RBFOX1: variants seen among roughly 807,000 people sequenced by gnomAD.
RBFOX1 encodes the protein RNA binding protein fox-1 homolog 1.
A neutral mutation model predicts 57.7 loss-of-function variants in RBFOX1; 8 were observed. That is an observed-to-expected ratio of 0.14 (90% CI 0.08 to 0.25). RBFOX1 has a LOEUF of 0.25. RBFOX1 is among the 10% of genes least tolerant of loss of function. RBFOX1 has a pLI of 1.00. For synonymous variants in RBFOX1, 326 were observed against 222.4 expected (o/e 1.47, Z -4.15); for missense variants, 611 against 548.5 (o/e 1.11, Z -1.14).
At chr16:5,944,566 T>C (rs2059352829) in intron 4 of RBFOX1, among the ~76,000 whole-genome samples, 1 of 151,470 alleles carries the variant, frequency 6.6e-6, no homozygotes, top group African/African-American at 2.4e-5. Context: ...GCTGTGTGAG[T>C]CATGCCTCAG....
chr16:6,915,485 A>G (rs2153442464), intron 3 of RBFOX1, among the ~76,000 whole-genome samples: 1 of 151,684 alleles, frequency 6.6e-6, no homozygotes, highest in East Asian at 1.9e-4. Context: ...ATGACTTCCT[A>G]CTATAGCCTA....
chr16:6,516,462 G>C (rs564875952), intron 2 of RBFOX1, among the ~76,000 whole-genome samples: 1 of 152,230 alleles, frequency 6.6e-6, no homozygotes, highest in South Asian at 2.1e-4. Context: ...AACAGCCCCT[G>C]TTGTTAAGAT....
At chr16:6,216,626 T>C (rs549491689) in intron 1 of RBFOX1, among the ~76,000 whole-genome samples, 8 of 152,304 alleles carry the variant, frequency 5.3e-5, no homozygotes, top group African/African-American at 1.9e-4. Context: ...AATCCTGAAA[T>C]GCTGTAACTT....
intron 14 of RBFOX1, among the ~76,000 whole-genome samples, chr16:7,696,935 C>G (rs1219237352): frequency 1.3e-5 from 2 of 152,094 alleles, no homozygotes; most frequent in African/African-American, 4.8e-5. Context: ...GTAAGACATC[C>G]AGTGTGGCCC....
chr16:5,535,042 C>T (rs978985947), intron 2 of RBFOX1, among the ~76,000 whole-genome samples: 6 of 152,202 alleles, frequency 3.9e-5, no homozygotes, highest in African/African-American at 1.4e-4. Context: ...TAACTATCCT[C>T]ATGGGGCTTA....
At chr16:6,416,797 G>GT (rs1303543389) in intron 2 of RBFOX1, among the ~76,000 whole-genome samples, 4 of 152,148 alleles carry the variant, frequency 2.6e-5, no homozygotes, top group African/African-American at 9.7e-5. Context: ...CATCAAACAG[G>GT]TTGCAGTGCT....
chr16:6,235,803 C>G (rs149465601), intron 1 of RBFOX1, among the ~76,000 whole-genome samples: 211 of 152,034 alleles, frequency 1.4e-3, no homozygotes, highest in African/African-American at 4.9e-3. Context: ...GGGAGCTAAG[C>G]TACGAGGATG....
At chr16:5,465,603 C>T (rs1238785595) in intron 1 of RBFOX1, among the ~76,000 whole-genome samples, 1 of 152,196 alleles carries the variant, frequency 6.6e-6, no homozygotes, top group Non-Finnish European at 1.5e-5. Flanking sequence ...CAGGACTCCT[C>T]TTCATGCAGC....
At chr16:7,116,767 T>G (rs2151709316) in intron 4 of RBFOX1, among the ~76,000 whole-genome samples, 1 of 152,274 alleles carries the variant, frequency 6.6e-6, no homozygotes, top group Middle Eastern at 3.4e-3. Context: ...TGACAGGTAT[T>G]GACCACCTCC....
intron 4 of RBFOX1, among the ~76,000 whole-genome samples, chr16:5,917,808 C>T (rs1267526362): frequency 6.6e-6 from 1 of 152,138 alleles, no homozygotes; most frequent in Admixed American, 6.5e-5. Context: ...AAATTCATAC[C>T]GGGTTGTGAC....
At chr16:5,415,525 C>G (rs1470204817) in intron 1 of RBFOX1, among the ~76,000 whole-genome samples, 1 of 152,186 alleles carries the variant, frequency 6.6e-6, no homozygotes, top group Non-Finnish European at 1.5e-5. Context: ...AACTCCAGGA[C>G]CTGCTCTCCT....
At chr16:5,538,778 C>A (rs1289959859) in intron 2 of RBFOX1, among the ~76,000 whole-genome samples, 1 of 152,068 alleles carries the variant, frequency 6.6e-6, no homozygotes. Flanking sequence ...AGGCACGCAC[C>A]ACCATGCCCA....
chr16:6,473,129 G>A (rs1012093707), intron 2 of RBFOX1, among the ~76,000 whole-genome samples: 3 of 152,050 alleles, frequency 2.0e-5, no homozygotes, highest in Admixed American at 6.6e-5. Flanking sequence ...GCAACACATG[G>A]AAATAAAATT....
intron 4 of RBFOX1, among the ~76,000 whole-genome samples, chr16:7,055,544 A>C (rs1208980779): frequency 6.6e-6 from 1 of 152,182 alleles, no homozygotes; most frequent in Non-Finnish European, 1.5e-5. Flanking sequence ...GAAGGAGAAG[A>C]GGAGTTTCTC....
chr16:7,591,362 G>A (rs2094435826), intron 7 of RBFOX1, among the ~76,000 whole-genome samples: 1 of 152,076 alleles, frequency 6.6e-6, no homozygotes, highest in African/African-American at 2.4e-5. Context: ...TGAAAAATCA[G>A]TACCTTCATC....
chr16:6,029,951 T>C (rs2095265102), intron 1 of RBFOX1, among the ~76,000 whole-genome samples: 1 of 152,176 alleles, frequency 6.6e-6, no homozygotes, highest in Non-Finnish European at 1.5e-5. Flanking sequence ...GTCTCATTTG[T>C]TGCCCAGGCT....
At chr16:5,919,196 G>A (rs56753380) in intron 4 of RBFOX1, among the ~76,000 whole-genome samples, 8,711 of 152,222 alleles carry the variant, frequency 0.057, 290 homozygotes, top group Middle Eastern at 0.089. Context: ...TGAAGGTCAG[G>A]CTGACCATAT....
At chr16:5,244,155 C>T (rs2062237328) in intron 1 of RBFOX1, among the ~76,000 whole-genome samples, 1 of 152,114 alleles carries the variant, frequency 6.6e-6, no homozygotes, top group Admixed American at 6.5e-5. Context: ...CCTCGGCCTC[C>T]CAAGGTGCTG....
At chr16:7,118,375 T>C (rs1304865183) in intron 4 of RBFOX1, among the ~76,000 whole-genome samples, 1 of 152,140 alleles carries the variant, frequency 6.6e-6, no homozygotes, top group African/African-American at 2.4e-5. Flanking sequence ...TGGCCATTTG[T>C]TGGCTATTCT....
Sources: gnomAD v4.1 joint callset for allele counts (sites outside exome capture counted in the v4.1 genomes callset) on GRCh38, gnomAD v4.1.1 for gene constraint, MANE v1.5 for transcripts, NCBI Gene and HGNC (gene_info 2026-07-23, HGNC 2026-07-21) for gene names.